The following EYS variants were observed in gnomAD, a reference collection of about 807,000 sequenced individuals.
EYS encodes the protein EGF-like photoreceptor maintenance factor.
Under a neutral mutation model 282.1 loss-of-function variants are expected in EYS, and 250 were observed. That is an observed-to-expected ratio of 0.89 (90% CI 0.80 to 0.98). The LOEUF (loss-of-function observed/expected upper bound fraction) is 0.98. EYS is among the 50% of genes least tolerant of loss of function. The probability of loss-of-function intolerance (pLI) is 0.00; values close to 1 mark genes in which losing one functional copy is unlikely to be tolerated. For missense variants in EYS, 4,016 were observed against 3,709.0 expected (o/e 1.08, Z -2.15); for synonymous variants, 1,355 against 1,282.9 (o/e 1.06, Z -1.20).
At chr6:64,183,559 A>C (rs184586071) in intron 31 of EYS, among the ~76,000 whole-genome samples, 1 of 152,354 alleles carries the variant, frequency 6.6e-6, no homozygotes, top group East Asian at 1.9e-4. Context: ...ATTCAGCTGA[A>C]GAAACAAAGT....
chr6:63,859,111 T>TTTTTTTTTTTTTTTA lies in EYS; in HGVS notation c.7228+5074_7228+5075insTAAAAAAAAAAAAAA, dbSNP rs796999871. 2.0e-4 allele frequency among the ~76,000 whole-genome samples: 14 copies of TTTTTTTTTTTTTTTA among 71,200 alleles called. 3 individuals are homozygous for TTTTTTTTTTTTTTTA. The highest frequency in any genetic ancestry group is 8.2e-4 in the African/African-American group (13 of 15,788). The allele number at this position is 71,200 out of a possible 152,430, so 46.7% of individuals were successfully genotyped here. The stretch of plus-strand genomic sequence containing the variant: ...TTTTTTTTTTTTTTTTTTTTTTTTT[T>TTTTTTTTTTTTTTTA]AATAGCTGGGATGGAGATGCAGCCT... On this transcript the variant is annotated intron_variant, in intron 36 of 42. Transcript: ENST00000503581.
At position 64,148,541 on chromosome 6, in the gene EYS, T is replaced by C. The variant is rs78416260; in HGVS notation, c.6425-66539A>G. ...TCTCACACATCAATAGTTAAGTTGC[T>C]TACAGTGAATCAATCAAATATTCCA... is the stretch of plus-strand genomic sequence containing the variant. On this transcript the variant is annotated intron_variant, in intron 31 of 42. Transcript: ENST00000503581. 7.3e-3 allele frequency among the ~76,000 whole-genome samples: 1,114 copies of C among 152,284 alleles called. 7 individuals carry two copies. The highest frequency in any genetic ancestry group is 0.013 in the South Asian group (63 of 4,824).
chr6:64,936,318 T>G (rs770992315), intron 15 of EYS, among the ~76,000 whole-genome samples: 6 of 151,522 alleles, frequency 4.0e-5, no homozygotes, highest in Non-Finnish European at 8.9e-5. Flanking sequence ...AAGTGTCCCA[T>G]GAAAAATCTA....
At position 64,047,138 on chromosome 6, in the gene EYS, G is replaced by GT. The variant is rs1404920024; in HGVS notation, c.6725+19199dup. 5.9e-5 allele frequency among the ~76,000 whole-genome samples: 9 copies of GT among 151,762 alleles called. No individual in the cohort carries two copies. In the East Asian group the frequency reaches 1.5e-3, roughly 26 times the overall value. The stretch of plus-strand genomic sequence containing the variant: ...GGCACCTTTTTCCCCAGGTAAAGAT[G>GT]TTTTTCAATTCCCATCTCTAATTTT... On this transcript the variant is annotated intron_variant, in intron 33 of 42. Coordinates refer to ENST00000503581, the MANE Select transcript of EYS (RefSeq NM_001142800.2).
rs145501377 is a variant in EYS, at chr6:63,908,349, T to C, written c.7056-43991A>G. Among the ~76,000 whole-genome samples, 57 of 152,266 alleles carry C rather than the reference T, an allele frequency of 3.7e-4. No homozygotes were observed. The East Asian group carries it at 8.1e-3, about 22-fold the overall frequency. On this transcript the variant is annotated intron_variant, in intron 35 of 42. Coordinates refer to ENST00000503581, the MANE Select transcript of EYS (RefSeq NM_001142800.2). ...AGGATGCAGAGAAAAGGAATACTTA[T>C]ACACTTTTGGTAAATGTAAATTAGT...
chr6:64,283,357 A>G (rs933814632), intron 30 of EYS, among the ~76,000 whole-genome samples: 3 of 152,188 alleles, frequency 2.0e-5, no homozygotes, highest in Non-Finnish European at 2.9e-5. Flanking sequence ...GTTAGACTAT[A>G]TAATTATTAA....
intron 35 of EYS, among the ~76,000 whole-genome samples, chr6:63,880,530 T>TC (rs1554184437): frequency 6.6e-6 from 1 of 151,438 alleles, no homozygotes; most frequent in Admixed American, 6.6e-5. Context: ...TATCTATCTA[T>TC]TCTGTCCCTT....
chr6:64,562,307 T>C (rs991719797), intron 26 of EYS, among the ~76,000 whole-genome samples: 1 of 151,944 alleles, frequency 6.6e-6, no homozygotes, highest in East Asian at 1.9e-4. Flanking sequence ...TACAAAAATA[T>C]TTTTAATGGC....
intron 22 of EYS, among the ~76,000 whole-genome samples, chr6:64,776,393 CCAGA>C (rs1162191646): frequency 1.3e-5 from 2 of 152,038 alleles, no homozygotes; most frequent in African/African-American, 2.4e-5. Context: ...ATCTATAACA[CCAGA>C]CAAAGATTTT....
intron 31 of EYS, among the ~76,000 whole-genome samples, chr6:64,134,672 A>G (rs894650273): frequency 1.3e-5 from 2 of 152,098 alleles, no homozygotes; most frequent in African/African-American, 2.4e-5. Flanking sequence ...AGTTAAAGAC[A>G]AAAGTAGCAA....
rs768819301 is a variant in EYS at position 64,912,518 on chromosome 6, C to T, written c.2607G>A (p.Leu869=). ...AAATACAATGCTGATTTGCGTCTAC[C>T]AAAGCTAAGCATGTTGAGTTGTTTC... ...PCRNNSTCLA[L]VDANQHCICR... The change falls in exon 16 of 43, where the codon TTG becomes TTA. Residue 869 remains leucine, a synonymous_variant. Coordinates refer to ENST00000503581, the MANE Select transcript of EYS (RefSeq NM_001142800.2). The T allele has an allele frequency of 6.4e-7, 1 of 1,551,176 alleles. No homozygotes were observed. The highest frequency in any genetic ancestry group is 8.7e-7 in the Non-Finnish European group (1 of 1,146,630).
At chr6:64,204,770 T>G (rs1412133003) in intron 31 of EYS, among the ~76,000 whole-genome samples, 1 of 152,170 alleles carries the variant, frequency 6.6e-6, no homozygotes, top group Admixed American at 6.5e-5. Flanking sequence ...GGATTTGTAT[T>G]AAGTTCATGC....
intron 22 of EYS, among the ~76,000 whole-genome samples, chr6:64,701,495 T>A (rs942181201): frequency 6.6e-6 from 1 of 152,084 alleles, no homozygotes. Flanking sequence ...AAGATATCTG[T>A]ACTTGTATGT....
At chr6:64,276,039 T>C (rs1768105547) in intron 30 of EYS, among the ~76,000 whole-genome samples, 1 of 152,054 alleles carries the variant, frequency 6.6e-6, no homozygotes. Flanking sequence ...ATCTCTCTAA[T>C]ACAGCATTGC....
intron 31 of EYS, among the ~76,000 whole-genome samples, chr6:64,169,491 A>C (rs1172426422): frequency 2.0e-5 from 3 of 151,094 alleles, no homozygotes; most frequent in African/African-American, 7.4e-5. Context: ...ATATAAAGAA[A>C]TCATGAAGAT....
At chr6:65,378,432 G>C (rs1765469735) in intron 8 of EYS, among the ~76,000 whole-genome samples, 1 of 152,166 alleles carries the variant, frequency 6.6e-6, no homozygotes, top group Non-Finnish European at 1.5e-5. Flanking sequence ...TTACACTGTT[G>C]GTGGGAGTGT....
intron 18 of EYS, among the ~76,000 whole-genome samples, chr6:64,898,651 A>G (rs186792554): frequency 9.2e-5 from 14 of 151,490 alleles, no homozygotes; most frequent in Non-Finnish European, 1.9e-4. Context: ...TAAAAGGCAC[A>G]GACTGGCAAA....
chr6:64,347,714 C>T (rs1219064357), intron 29 of EYS, among the ~76,000 whole-genome samples: 4 of 151,270 alleles, frequency 2.6e-5, no homozygotes, highest in African/African-American at 4.8e-5. Context: ...GTTTAAAATG[C>T]CCTAGTTTTT....
intron 26 of EYS, among the ~76,000 whole-genome samples, chr6:64,519,595 G>A (rs1165978993): frequency 6.6e-6 from 1 of 151,728 alleles, no homozygotes; most frequent in Non-Finnish European, 1.5e-5. Flanking sequence ...ACAGAGGAAG[G>A]CACTCAATGA....
Sources: allele counts gnomAD v4.1 joint callset (sites outside exome capture counted in the v4.1 genomes callset), GRCh38; gene constraint gnomAD v4.1.1; transcripts MANE v1.5; gene names NCBI Gene and HGNC (gene_info 2026-07-23, HGNC 2026-07-21).